The following AGMO variants were observed in gnomAD, a reference collection of about 807,000 sequenced individuals.
The protein encoded by AGMO is glyceryl-ether monooxygenase.
Under a neutral mutation model 60.2 loss-of-function variants are expected in AGMO, and 75 were observed. The ratio of observed to expected loss-of-function variants is 1.25; its 90% CI spans 1.03 to 1.51. The LOEUF (loss-of-function observed/expected upper bound fraction) is 1.51, where lower values mean the gene tolerates loss of function less well. AGMO is among the 40% of genes most tolerant of loss of function. The pLI, the probability that AGMO is intolerant of heterozygous loss-of-function variation, is 0.00. For missense variants in AGMO, 763 were observed against 525.5 expected (o/e 1.45, Z -4.42); for synonymous variants, 261 against 177.1 (o/e 1.47, Z -3.76).
the AGMO span, among the ~76,000 whole-genome samples, chr7:15,194,262 G>A: frequency 6.6e-6 from 1 of 151,944 alleles, no homozygotes; most frequent in South Asian, 2.1e-4. Flanking sequence ...AGATGAAACT[G>A]GTATCTTTTA....
intron 12 of AGMO, among the ~76,000 whole-genome samples, chr7:15,244,295 T>C (rs550294904): frequency 2.9e-4 from 44 of 152,324 alleles, no homozygotes; most frequent in African/African-American, 9.6e-4. Flanking sequence ...TATATTTGAA[T>C]ATATAAAAGA....
intron 3 of AGMO, among the ~76,000 whole-genome samples, chr7:15,504,392 G>A (rs532369300): frequency 5.9e-5 from 9 of 151,986 alleles, no homozygotes; most frequent in East Asian, 1.9e-4. Flanking sequence ...ACAGTGCTGC[G>A]TATTAAGAAG....
At position 15,348,539 on chromosome 7, in the gene AGMO, G is replaced by T. The variant is rs1028359290; in HGVS notation, c.1263+16975C>A. Among the ~76,000 whole-genome samples the T allele has an allele frequency of 2.0e-5, 3 of 152,114 alleles. No individual in the cohort carries two copies. The South Asian group carries it at 6.2e-4, about 32-fold the overall frequency. ...TTGGAATATCCATTATAATTATTCAGCAACATTTCTTCTCAAATTTGTATT... is the reference window on the plus strand; with the variant it reads ...TTGGAATATCCATTATAATTATTCATCAACATTTCTTCTCAAATTTGTATT... On this transcript the variant is annotated intron_variant, in intron 12 of 12. Coordinates refer to ENST00000342526, the MANE Select transcript of AGMO (RefSeq NM_001004320.2).
At chr7:15,340,667 T>C (rs932942341) in intron 12 of AGMO, among the ~76,000 whole-genome samples, 1 of 152,130 alleles carries the variant, frequency 6.6e-6, no homozygotes, top group Non-Finnish European at 1.5e-5. Flanking sequence ...GTCCTATGGG[T>C]GTGCAGAAGA....
At position 15,225,500 on chromosome 7, in the gene AGMO, T is replaced by C. The variant is rs562472615; in HGVS notation, c.1264-24141A>G. ...ACATGATTATAAAATTGTGTGAAAA[T>C]TTACCATCCTACCAGAAGTATAAAT... On this transcript the variant is annotated intron_variant, in intron 12 of 12. Transcript: ENST00000342526. Among the ~76,000 whole-genome samples, 24 of 152,034 alleles carry C rather than the reference T, an allele frequency of 1.6e-4. No homozygotes were observed. The East Asian group carries it at 4.6e-3, about 29-fold the overall frequency.
At chr7:15,174,380 T>G in the AGMO span, among the ~76,000 whole-genome samples, 3 of 152,100 alleles carry the variant, frequency 2.0e-5, no homozygotes, top group Admixed American at 2.0e-4. Context: ...TGCATTGTAA[T>G]GTAATCATAT....
At chr7:15,428,427 C>G (rs1237353852) in intron 4 of AGMO, among the ~76,000 whole-genome samples, 1 of 152,154 alleles carries the variant, frequency 6.6e-6, no homozygotes, top group African/African-American at 2.4e-5. Flanking sequence ...CATTCCCTAA[C>G]AACATGGCAT....
intron 12 of AGMO, among the ~76,000 whole-genome samples, chr7:15,240,157 T>A (rs988935894): frequency 2.6e-5 from 4 of 152,178 alleles, no homozygotes; most frequent in African/African-American, 9.7e-5. Flanking sequence ...ATTCAATACA[T>A]GCTAACTACC....
intron 5 of AGMO, among the ~76,000 whole-genome samples, chr7:15,394,834 T>TAC (rs1784305013): frequency 6.6e-6 from 1 of 152,212 alleles, no homozygotes; most frequent in Non-Finnish European, 1.5e-5. Flanking sequence ...AGGCATGGTC[T>TAC]ACCATTACAT....
intron 12 of AGMO, among the ~76,000 whole-genome samples, chr7:15,294,535 G>A (rs2128523403): frequency 6.6e-6 from 1 of 151,534 alleles, no homozygotes; most frequent in South Asian, 2.1e-4. Context: ...GGAAAAACTT[G>A]AAAAAAATGT....
At chr7:15,531,763 C>G (rs144528968) in intron 3 of AGMO, among the ~76,000 whole-genome samples, 2 of 150,150 alleles carry the variant, frequency 1.3e-5, no homozygotes, top group African/African-American at 4.9e-5. Flanking sequence ...GCTGTTCAAG[C>G]GATTCTCATA....
At chr7:15,561,697 A>G (rs1013902986) in intron 1 of AGMO, 23 bp downstream of exon 1, 2 of 1,588,214 alleles carry the variant, frequency 1.3e-6, no homozygotes, top group African/African-American at 1.4e-5. Context: ...GAATAAGAGT[A>G]GCCTCTTCCA....
At chr7:15,331,924 C>CA (rs201411602) in intron 12 of AGMO, among the ~76,000 whole-genome samples, 21,753 of 141,850 alleles carry the variant, frequency 0.15, 1,655 homozygotes, top group Admixed American at 0.22. Flanking sequence ...AAAACTGTCT[C>CA]AAAAAAAAAA....
At chr7:15,192,434 T>G in the AGMO span, among the ~76,000 whole-genome samples, 1 of 151,938 alleles carries the variant, frequency 6.6e-6, no homozygotes, top group African/African-American at 2.4e-5. Context: ...ACAGCCAAAC[T>G]CCAGGGAAGG....
downstream of AGMO, among the ~76,000 whole-genome samples, chr7:15,198,536 G>T (rs1781194717): frequency 6.6e-6 from 1 of 152,184 alleles, no homozygotes; most frequent in South Asian, 2.1e-4. Context: ...CAGGGAAATT[G>T]TAATAGAGAA....
chr7:15,458,839 G>C (rs1782061778), intron 3 of AGMO, among the ~76,000 whole-genome samples: 2 of 152,132 alleles, frequency 1.3e-5, no homozygotes, highest in Non-Finnish European at 1.5e-5. Flanking sequence ...TTCAAATCCA[G>C]AGAGGGCACT....
chr7:15,189,828 A>C, the AGMO span, among the ~76,000 whole-genome samples: 2 of 151,202 alleles, frequency 1.3e-5, no homozygotes, highest in Non-Finnish European at 1.5e-5. Flanking sequence ...TCAGAAATGT[A>C]AACTATCAGC....
In AGMO at chr7:15,390,664, A is replaced by G; in HGVS notation, c.822+7T>C. On this transcript the variant is annotated splice_region_variant and intron_variant, in intron 8 of 12. Transcript: ENST00000342526. ...AATGAAGAAAGAATAAAAAACAAGTATGTTACCTGCACTTTGATTGGTTCA... is the reference window on the plus strand; with the variant it reads ...AATGAAGAAAGAATAAAAAACAAGTGTGTTACCTGCACTTTGATTGGTTCA... 1.9e-6 allele frequency: 3 copies of G among 1,569,062 alleles called. No individual in the cohort carries two copies. Among genetic ancestry groups the G allele is most frequent in the Non-Finnish European group, 2.6e-6 (3 of 1,149,214 alleles).
At chr7:15,536,496 C>A (rs1006398881) in intron 3 of AGMO, among the ~76,000 whole-genome samples, 8 of 151,810 alleles carry the variant, frequency 5.3e-5, no homozygotes, top group Non-Finnish European at 1.2e-4. Flanking sequence ...GAATTAATGG[C>A]AATGAGAGGA....
Sources: allele counts gnomAD v4.1 joint callset (sites outside exome capture counted in the v4.1 genomes callset), GRCh38; gene constraint gnomAD v4.1.1; transcripts MANE v1.5; gene names NCBI Gene and HGNC (gene_info 2026-07-23, HGNC 2026-07-21).